The following MYH15 variants were observed in gnomAD, a reference collection of about 807,000 sequenced individuals.
MYH15 encodes the protein myosin-15.
MYH15 carries 227 observed loss-of-function variants against 240.5 expected under a neutral mutation model. That is an observed-to-expected ratio of 0.94 (90% CI 0.85 to 1.05). The LOEUF is 1.05. Ranked by LOEUF, MYH15 falls within the 50% of genes least tolerant of loss-of-function variation. MYH15 has a pLI of 0.00. For synonymous variants in MYH15, 785 were observed against 796.7 expected, an observed-to-expected ratio of 0.99 and a Z score of 0.25; for missense variants, 2,217 against 2,247.5, an observed-to-expected ratio of 0.99 and a Z score of 0.27.
chr3:108,380,857 A>C lies in MYH15; in HGVS notation c.*688T>G, dbSNP rs887493929. On this transcript the variant is annotated 3_prime_UTR_variant, in exon 41 of 41. Coordinates refer to ENST00000693548, the MANE Select transcript of MYH15 (RefSeq NM_014981.3). ...CAATCCAGAACCATGAGAGAGAGGA[A>C]TTCCGGGACATGTTCCTCCAGCTGA... 6.6e-6 allele frequency: 1 copy of C among 152,592 alleles called. No homozygotes were observed. The highest frequency in any genetic ancestry group is 2.4e-5 in the African/African-American group (1 of 41,462). The allele number at this position is 152,592 out of a possible 1,614,324, so 9.5% of individuals were successfully genotyped here. A position where few individuals can be genotyped will look rare whatever the true frequency, so the allele number is the denominator to read the frequency against.
chr3:108,463,087 A>G (rs1206336649), intron 16 of MYH15, 24 bp downstream of exon 16: 1 of 1,577,264 alleles, frequency 6.3e-7, no homozygotes, highest in East Asian at 2.3e-5. Context: ...AGGCTGAAAA[A>G]TCAAGGAAGA....
chr3:108,385,848 C>G (rs1336767620), intron 38 of MYH15, among the ~76,000 whole-genome samples: 1 of 151,990 alleles, frequency 6.6e-6, no homozygotes, highest in East Asian at 1.9e-4. Flanking sequence ...CAGAGCTCCC[C>G]TGCTCACTCT....
chr3:108,500,690 G>T (rs2083429785), intron 3 of MYH15, among the ~76,000 whole-genome samples: 1 of 152,186 alleles, frequency 6.6e-6, no homozygotes, highest in South Asian at 2.1e-4. Flanking sequence ...TGAAGGGGTT[G>T]AATTGTCGCC....
intron 1 of MYH15, among the ~76,000 whole-genome samples, chr3:108,522,065 G>A (rs182342522): frequency 7.2e-5 from 11 of 152,292 alleles, no homozygotes; most frequent in Non-Finnish European, 1.5e-5. Flanking sequence ...AAATAAATGA[G>A]AGACAGCTGT....
At chr3:108,537,291 T>C in the MYH15 span, among the ~76,000 whole-genome samples, 22 of 152,290 alleles carry the variant, frequency 1.4e-4, no homozygotes, top group East Asian at 4.0e-3. Flanking sequence ...CACAGTCCCA[T>C]ATATCACCTC....
chr3:108,467,223 A>C (rs2083127373), intron 14 of MYH15, among the ~76,000 whole-genome samples: 1 of 151,690 alleles, frequency 6.6e-6, no homozygotes, highest in South Asian at 2.1e-4. Context: ...AAAATGTAAG[A>C]GTTGCCAATC....
chr3:108,534,807 G>A, the MYH15 span, among the ~76,000 whole-genome samples: 1 of 152,054 alleles, frequency 6.6e-6, no homozygotes, highest in African/African-American at 2.4e-5. Flanking sequence ...CTTGAGCCCA[G>A]GAGGTTGAGG....
intron 18 of MYH15, among the ~76,000 whole-genome samples, chr3:108,458,887 T>G (rs1176335278): frequency 1.3e-5 from 2 of 152,136 alleles, no homozygotes; most frequent in African/African-American, 4.8e-5. Context: ...GAAGAAGATG[T>G]TGGCATTGGC....
At chr3:108,520,032 C>A (rs1161934781) in intron 1 of MYH15, among the ~76,000 whole-genome samples, 2 of 151,990 alleles carry the variant, frequency 1.3e-5, no homozygotes, top group Admixed American at 1.3e-4. Flanking sequence ...TTAAATATAA[C>A]AATTTTTTGA....
rs779562147 is a variant in MYH15, at chr3:108,428,641, TC to T, written c.3552del (p.Lys1185ArgfsTer15). On this transcript the variant is annotated frameshift_variant, in exon 27 of 41. Coordinates refer to ENST00000693548, the MANE Select transcript of MYH15 (RefSeq NM_014981.3). LOFTEE classifies it high-confidence loss of function. ...GCCAGGCTGTCTGCATGTCTCTTCT[TC>T]AAAGATGCAGAAGTTGTCTCAAAGT... The part of the protein sequence containing the change: ...TLHFETTSAS[L>X]KKRHADSLAE... The T allele has an allele frequency of 3.1e-6, 5 of 1,613,854 alleles. No individual in the cohort carries two copies. Among genetic ancestry groups the T allele is most frequent in the Non-Finnish European group, 4.2e-6 (5 of 1,180,010 alleles).
rs1422819017 is a variant in MYH15 at position 108,383,595 on chromosome 3, C to A, written c.5766G>T (p.Lys1922Asn). 3 of 1,612,444 alleles carry A rather than the reference C, an allele frequency of 1.9e-6. No homozygotes were observed. Among genetic ancestry groups the A allele is most frequent in the South Asian group, 1.1e-5 (1 of 90,844 alleles). The change falls in exon 40 of 41, where the codon AAG becomes AAT. Residue 1922 changes from lysine (K) to asparagine (N), a missense_variant and splice_region_variant. Coordinates refer to ENST00000693548, the MANE Select transcript of MYH15 (RefSeq NM_014981.3). Reference protein sequence around the residue: ...LKIKAREFGKKVQEE With the variant: ...LKIKAREFGKNVQEE Reference sequence around the variant, plus strand: ...GAACAGAGTTGAATATCTGCCATACCTTTTTCCCAAACTCTCTTGCTTTAA... The same window carrying A: ...GAACAGAGTTGAATATCTGCCATACATTTTTCCCAAACTCTCTTGCTTTAA...
chr3:108,444,141 G>C (rs2082907973), intron 22 of MYH15, among the ~76,000 whole-genome samples: 2 of 150,994 alleles, frequency 1.3e-5, no homozygotes, highest in African/African-American at 4.9e-5. Flanking sequence ...AAAACTTAAA[G>C]TATAATAATA....
intron 28 of MYH15, among the ~76,000 whole-genome samples, chr3:108,417,657 T>C (rs1033463356): frequency 6.6e-6 from 1 of 152,106 alleles, no homozygotes; most frequent in Admixed American, 6.6e-5. Flanking sequence ...CTATTAATTA[T>C]AGTCGGGCCT....
At chr3:108,536,755 C>T in the MYH15 span, among the ~76,000 whole-genome samples, 1 of 152,180 alleles carries the variant, frequency 6.6e-6, no homozygotes, top group East Asian at 1.9e-4. Context: ...TTCCCATACA[C>T]CTTCAAAGAA....
At chr3:108,499,398 A>T in intron 5 of MYH15, 57 bp downstream of exon 5, 1 of 1,511,590 alleles carries the variant, frequency 6.6e-7, no homozygotes, top group Non-Finnish European at 9.2e-7. Flanking sequence ...AAATGGAGGT[A>T]TCTATTTCAC....
At chr3:108,385,754 CA>C (rs1160803290) in intron 38 of MYH15, among the ~76,000 whole-genome samples, 1 of 152,008 alleles carries the variant, frequency 6.6e-6, no homozygotes, top group African/African-American at 2.4e-5. Flanking sequence ...ACTTTTTTGG[CA>C]GCTTTAATGT....
At chr3:108,456,222 C>G (rs2083018379) in intron 19 of MYH15, among the ~76,000 whole-genome samples, 1 of 152,106 alleles carries the variant, frequency 6.6e-6, no homozygotes, top group Non-Finnish European at 1.5e-5. Context: ...TTCCTTTACC[C>G]TGTTGGTGAG....
rs1456216595 is a variant in MYH15, at chr3:108,510,559, G to T, written c.-29C>A. On this transcript the variant is annotated 5_prime_UTR_variant, in exon 1 of 41. Transcript: ENST00000693548. The stretch of plus-strand genomic sequence containing the variant: ...TATTAAAGCAATCCACCAAAAAAAG[G>T]CCCTAAACGTGAGTAGGCAAGATTC... 1.4e-5 allele frequency: 23 copies of T among 1,611,324 alleles called. No individual in the cohort carries two copies. Among genetic ancestry groups the T allele is most frequent in the Non-Finnish European group, 1.7e-5 (20 of 1,179,028 alleles).
chr3:108,437,627 T>C lies in MYH15; in HGVS notation c.3148A>G (p.Asn1050Asp). Reference protein sequence around the residue: ...CERELHKLEGNLKLNRESMEN... With the variant: ...CERELHKLEGDLKLNRESMEN... Reference sequence around the variant, plus strand: ...ATACTTTCCCGATTCAGCTTTAAATTGCCCTCCAGTTTGTGCAGTTCCCTT... The same window carrying C: ...ATACTTTCCCGATTCAGCTTTAAATCGCCCTCCAGTTTGTGCAGTTCCCTT... The change falls in exon 25 of 41, where the codon AAT becomes GAT. Residue 1050 changes from asparagine (N) to aspartate (D), a missense_variant. Transcript: ENST00000693548. 6.2e-7 allele frequency: 1 copy of C among 1,614,140 alleles called. No homozygotes were observed. Among genetic ancestry groups the C allele is most frequent in the Non-Finnish European group, 8.5e-7 (1 of 1,180,004 alleles).
Sources: gnomAD v4.1 joint callset for allele counts (sites outside exome capture counted in the v4.1 genomes callset) on GRCh38, gnomAD v4.1.1 for gene constraint, MANE v1.5 for transcripts, NCBI Gene and HGNC (gene_info 2026-07-23, HGNC 2026-07-21) for gene names.